The following SOX5 variants were observed in gnomAD, a reference collection of about 807,000 sequenced individuals.
SOX5 encodes the protein transcription factor SOX-5.
Under a neutral mutation model 92.0 loss-of-function variants are expected in SOX5, and 9 were observed. That is an observed-to-expected ratio of 0.10 (90% CI 0.06 to 0.17). The LOEUF is 0.17. Among genes scored for constraint, SOX5 ranks in the 10% least tolerant of loss-of-function variants. The probability of loss-of-function intolerance (pLI) is 1.00; values close to 1 mark genes in which losing one functional copy is unlikely to be tolerated. For synonymous variants in SOX5, 344 were observed against 336.3 expected, an observed-to-expected ratio of 1.02 and a Z score of -0.25; for missense variants, 642 against 944.5, an observed-to-expected ratio of 0.68 and a Z score of 4.20.
Position 23,823,796 on chromosome 12 carries a change from G to A in SOX5, c.481+22187C>T, listed in dbSNP as rs4439601. Among the ~76,000 whole-genome samples the A allele has an allele frequency of 3.9e-5, 6 of 152,204 alleles. No individual in the cohort carries two copies. In the East Asian group the frequency reaches 5.8e-4, roughly 15 times the overall value. On this transcript the variant is annotated intron_variant, in intron 3 of 14. Coordinates refer to ENST00000451604, the MANE Select transcript of SOX5 (RefSeq NM_006940.6). ...TCTTTCACATAGTCCCATATTTCTTGGAGGCTATGTTCATTCCATTTCATT... is the reference window on the plus strand; with the variant it reads ...TCTTTCACATAGTCCCATATTTCTTAGAGGCTATGTTCATTCCATTTCATT...
chr12:24,511,937 A>G (rs894967640), intron 1 of SOX5, among the ~76,000 whole-genome samples: 1 of 148,852 alleles, frequency 6.7e-6, no homozygotes, highest in East Asian at 2.0e-4. Context: ...CAGCCTGGGC[A>G]ACAGAGTGAG....
chr12:23,861,835 T>A (rs2096760081), intron 2 of SOX5, among the ~76,000 whole-genome samples: 1 of 152,120 alleles, frequency 6.6e-6, no homozygotes. Context: ...TCCTTTGCTA[T>A]CTATTCATTA....
At chr12:24,046,155 G>C (rs1205548618) in intron 4 of SOX5, among the ~76,000 whole-genome samples, 2 of 152,236 alleles carry the variant, frequency 1.3e-5, no homozygotes, top group African/African-American at 4.8e-5. Flanking sequence ...TGTGCTCACA[G>C]TCTGCCCAAG....
At chr12:23,754,237 T>TAAG (rs1359747309) in intron 4 of SOX5, among the ~76,000 whole-genome samples, 3 of 151,758 alleles carry the variant, frequency 2.0e-5, no homozygotes. Context: ...TTGTCCTCCA[T>TAAG]TGGAATGAGA....
At chr12:23,837,112 C>T (rs150964478) in intron 3 of SOX5, among the ~76,000 whole-genome samples, 6 of 147,472 alleles carry the variant, frequency 4.1e-5, no homozygotes, top group African/African-American at 1.0e-4. Flanking sequence ...TCAAATCATA[C>T]CCTTTGATTA....
At chr12:23,740,648 T>C (rs1439299509) in intron 5 of SOX5, among the ~76,000 whole-genome samples, 2 of 152,226 alleles carry the variant, frequency 1.3e-5, no homozygotes, top group African/African-American at 2.4e-5. Context: ...TAATCACTTC[T>C]ACACTACTTA....
chr12:23,970,093 C>T (rs971625577), intron 4 of SOX5, among the ~76,000 whole-genome samples: 1 of 152,148 alleles, frequency 6.6e-6, no homozygotes, highest in Admixed American at 6.5e-5. Context: ...TGCTGTGCAA[C>T]AGTTTATCAC....
rs1565669640 is a variant in SOX5 at position 23,543,271 on chromosome 12, G to A, written c.1711C>T (p.Arg571Trp). Residue 571 changes from arginine to tryptophan, a missense_variant, in exon 13 of 15, where the codon CGG (arginine) becomes TGG (tryptophan). Physicochemically the swap from Arg to Trp is moderately radical, Grantham distance 101. Transcript: ENST00000451604. ...GGAAAGGCTTGAAGGATCTTTCTCCGTTCATCTTTAGCCCACACCATGAAG... is the reference window on the plus strand; with the variant it reads ...GGAAAGGCTTGAAGGATCTTTCTCCATTCATCTTTAGCCCACACCATGAAG... The part of the protein sequence containing the change: ...NAFMVWAKDE[R>W]RKILQAFPDM... The A allele has an allele frequency of 6.2e-7, 1 of 1,613,838 alleles. No homozygotes were observed. Among genetic ancestry groups the A allele is most frequent in the Non-Finnish European group, 8.5e-7 (1 of 1,179,854 alleles).
chr12:24,303,349 T>C (rs1177374036), intron 2 of SOX5, among the ~76,000 whole-genome samples: 1 of 151,726 alleles, frequency 6.6e-6, no homozygotes, highest in East Asian at 1.9e-4. Context: ...AAACAAGACG[T>C]TAGACATCAT....
chr12:24,504,862 C>T (rs1225875463), intron 1 of SOX5, among the ~76,000 whole-genome samples: 1 of 152,184 alleles, frequency 6.6e-6, no homozygotes, highest in Non-Finnish European at 1.5e-5. Flanking sequence ...TTCCCAACCA[C>T]CCTGGCTACT....
At chr12:23,637,430 C>T (rs2079409756) in intron 8 of SOX5, among the ~76,000 whole-genome samples, 3 of 152,166 alleles carry the variant, frequency 2.0e-5, no homozygotes, top group Admixed American at 2.0e-4. Context: ...ACCCATACCA[C>T]CAACCATACT....
chr12:24,031,479 C>A (rs1955505939), intron 4 of SOX5, among the ~76,000 whole-genome samples: 2 of 151,770 alleles, frequency 1.3e-5, no homozygotes, highest in African/African-American at 4.8e-5. Context: ...ATCTCAAAAA[C>A]TTGATCTGAC....
At chr12:24,411,410 T>C (rs7955427) in intron 1 of SOX5, among the ~76,000 whole-genome samples, 48,848 of 151,994 alleles carry the variant, frequency 0.32, 8,343 homozygotes, top group Middle Eastern at 0.41. Flanking sequence ...GAGGAAACAC[T>C]CATGTCTTTC....
intron 3 of SOX5, among the ~76,000 whole-genome samples, chr12:24,262,403 C>T (rs1942267532): frequency 6.6e-6 from 1 of 152,158 alleles, no homozygotes; most frequent in African/African-American, 2.4e-5. Flanking sequence ...TCACATATCC[C>T]TCAAACCACT....
intron 6 of SOX5, among the ~76,000 whole-genome samples, chr12:23,704,562 T>C (rs1255368320): frequency 6.6e-6 from 1 of 151,196 alleles, no homozygotes; most frequent in Non-Finnish European, 1.5e-5. Context: ...AGGAAAGTTG[T>C]TACCACCAGT....
chr12:24,419,531 G>A (rs1489829578), intron 1 of SOX5, among the ~76,000 whole-genome samples: 1 of 152,124 alleles, frequency 6.6e-6, no homozygotes, highest in Non-Finnish European at 1.5e-5. Context: ...AACAGCAAAT[G>A]TTACAGACTC....
intron 1 of SOX5, among the ~76,000 whole-genome samples, chr12:24,517,625 A>G (rs2138420002): frequency 6.6e-6 from 1 of 152,276 alleles, no homozygotes; most frequent in South Asian, 2.1e-4. Flanking sequence ...TCACTAATGG[A>G]TGTTTAACCC....
intron 11 of SOX5, among the ~76,000 whole-genome samples, chr12:23,560,172 G>C (rs147396559): frequency 8.1e-4 from 123 of 152,288 alleles, no homozygotes; most frequent in African/African-American, 2.9e-3. Flanking sequence ...GCCTCCCAAA[G>C]TGCTGGGATT....
At chr12:23,980,816 T>C (rs1005466106) in intron 4 of SOX5, among the ~76,000 whole-genome samples, 1 of 152,134 alleles carries the variant, frequency 6.6e-6, no homozygotes, top group African/African-American at 2.4e-5. Flanking sequence ...AGCTCTTCCA[T>C]TGGAAACCAC....
Sources: allele counts gnomAD v4.1 joint callset (sites outside exome capture counted in the v4.1 genomes callset), GRCh38; gene constraint gnomAD v4.1.1; transcripts MANE v1.5; gene names NCBI Gene and HGNC (gene_info 2026-07-23, HGNC 2026-07-21).